The following EML4 variants were observed in gnomAD, a reference collection of about 807,000 sequenced individuals.
EML4 encodes the protein EMAP like 4.
EML4 carries 72 observed loss-of-function variants against 129.0 expected under a neutral mutation model. That is an observed-to-expected ratio of 0.56 (90% CI 0.46 to 0.68). The LOEUF is 0.68. Ranked by LOEUF, EML4 falls within the 30% of genes least tolerant of loss-of-function variation. The pLI, the probability that EML4 is intolerant of heterozygous loss-of-function variation, is 0.00. For missense variants in EML4, 1,363 were observed against 1,190.6 expected (o/e 1.14, Z -2.13); for synonymous variants, 532 against 405.0 (o/e 1.31, Z -3.77).
At chr2:42,258,995 C>T (rs1315948884) in intron 3 of EML4, among the ~76,000 whole-genome samples, 1 of 152,142 alleles carries the variant, frequency 6.6e-6, no homozygotes, top group Non-Finnish European at 1.5e-5. Flanking sequence ...GCCTGTAATC[C>T]CAGCACTTTG....
chr2:42,257,836 CAA>C (rs35916468), intron 3 of EML4, among the ~76,000 whole-genome samples: 81 of 110,658 alleles, frequency 7.3e-4, no homozygotes, highest in Middle Eastern at 6.4e-3. Flanking sequence ...GACTCCGTCT[CAA>C]AAAAAAAAAA....
At chr2:42,247,139 G>A (rs1264957286) in intron 2 of EML4, among the ~76,000 whole-genome samples, 4 of 152,278 alleles carry the variant, frequency 2.6e-5, no homozygotes, top group East Asian at 3.9e-4. Flanking sequence ...GGACAAAAAG[G>A]CAGCAGAGAG....
At chr2:42,210,738 TC>T (rs1672841829) in intron 1 of EML4, among the ~76,000 whole-genome samples, 1 of 152,222 alleles carries the variant, frequency 6.6e-6, no homozygotes, top group East Asian at 1.9e-4. Flanking sequence ...TTCAGATTGT[TC>T]CAGCTTTGGC....
chr2:42,308,633 T>C (rs993010656), intron 17 of EML4, among the ~76,000 whole-genome samples: 1 of 152,190 alleles, frequency 6.6e-6, no homozygotes, highest in Non-Finnish European at 1.5e-5. Context: ...ATTTAAGATA[T>C]ATAATTCAGT....
intron 1 of EML4, among the ~76,000 whole-genome samples, chr2:42,187,381 G>A (rs1037605917): frequency 6.6e-6 from 1 of 151,996 alleles, no homozygotes; most frequent in African/African-American, 2.4e-5. Context: ...ACATGACTGG[G>A]ATCTTATAAT....
intron 1 of EML4, among the ~76,000 whole-genome samples, chr2:42,234,876 C>G (rs906083893): frequency 4.6e-5 from 7 of 152,224 alleles, no homozygotes; most frequent in African/African-American, 1.4e-4. Flanking sequence ...ATTATCTAGG[C>G]CGGGCACTGT....
At position 42,286,343 on chromosome 2, in the gene EML4, T is replaced by G. The variant is rs773929483; in HGVS notation, c.1086T>G (p.Phe362Leu). The G allele has an allele frequency of 1.2e-6, 2 of 1,613,640 alleles. No individual in the cohort carries two copies. Among genetic ancestry groups the G allele is most frequent in the African/African-American group, 2.7e-5 (2 of 74,926 alleles). Residue 362 changes from phenylalanine to leucine, a missense_variant, in exon 10 of 23, where the codon TTT becomes TTG. Transcript: ENST00000318522. ...STLQIIGLGTFERGVGCLDFS... is the reference protein window; with the variant it reads ...STLQIIGLGTLERGVGCLDFS... ...TGCAGATTATTGGACTTGGCACTTT[T>G]GAGCGTGGAGTAGGATGCCTGGATT...
chr2:42,175,191 C>G (rs1462179167), intron 1 of EML4, among the ~76,000 whole-genome samples: 1 of 151,972 alleles, frequency 6.6e-6, no homozygotes, highest in Non-Finnish European at 1.5e-5. Flanking sequence ...TGGCTCACTG[C>G]AGCCTCTGCC....
chr2:42,193,812 G>A (rs796655569), intron 1 of EML4, among the ~76,000 whole-genome samples: 51 of 151,812 alleles, frequency 3.4e-4, no homozygotes, highest in African/African-American at 1.2e-3. Flanking sequence ...CAGACTCCTG[G>A]GTAGCTGGGA....
chr2:42,313,409 C>G (rs1669068611), intron 17 of EML4, among the ~76,000 whole-genome samples: 1 of 152,100 alleles, frequency 6.6e-6, no homozygotes, highest in African/African-American at 2.4e-5. Flanking sequence ...CAGAATAAAT[C>G]TCTTCAAATA....
intron 1 of EML4, among the ~76,000 whole-genome samples, chr2:42,184,855 C>T (rs914397496): frequency 2.0e-5 from 3 of 152,100 alleles, no homozygotes; most frequent in Non-Finnish European, 2.9e-5. Context: ...TTAGGAAATA[C>T]ATTTCTTAAG....
At chr2:42,194,208 G>C (rs999433399) in intron 1 of EML4, among the ~76,000 whole-genome samples, 1 of 152,134 alleles carries the variant, frequency 6.6e-6, no homozygotes, top group Admixed American at 6.5e-5. Flanking sequence ...GTTTGGTTAA[G>C]GAAATCAAGT....
In EML4 at chr2:42,330,039, C is replaced by T; in HGVS notation, c.2778C>T (p.Ser926=). The change falls in exon 23 of 23, where the codon AGC becomes AGT. Residue 926 remains serine, a synonymous_variant. Coordinates refer to ENST00000318522, the MANE Select transcript of EML4 (RefSeq NM_019063.5). The part of the protein sequence containing the change: ...ISSSPTLLEN[S]LEQTVEPSED... ...GTTCTCCCACACTTCTGGAGAACAGCCTGGAACAAACTGTGGAGCCAAGTG... is the reference window on the plus strand; with the variant it reads ...GTTCTCCCACACTTCTGGAGAACAGTCTGGAACAAACTGTGGAGCCAAGTG... 2 of 1,613,460 alleles carry T rather than the reference C, an allele frequency of 1.2e-6. No homozygotes were observed. The highest frequency in any genetic ancestry group is 1.3e-5 in the African/African-American group (1 of 74,738).
At chr2:42,186,472 G>C (rs1333904993) in intron 1 of EML4, among the ~76,000 whole-genome samples, 1 of 152,188 alleles carries the variant, frequency 6.6e-6, no homozygotes, top group Non-Finnish European at 1.5e-5. Flanking sequence ...CCTAAGAAAT[G>C]TATGAGAAAG....
intron 1 of EML4, among the ~76,000 whole-genome samples, chr2:42,238,933 C>A (rs1195595208): frequency 2.0e-5 from 3 of 151,976 alleles, no homozygotes; most frequent in African/African-American, 7.3e-5. Flanking sequence ...GCTGCCACCC[C>A]CTGGCTAATT....
chr2:42,298,277 C>A (rs762755223), intron 13 of EML4, among the ~76,000 whole-genome samples: 1 of 152,142 alleles, frequency 6.6e-6, no homozygotes, highest in East Asian at 1.9e-4. Context: ...CTTTATTTGG[C>A]AGGCAGTGTA....
At chr2:42,239,538 C>A (rs1674883380) in intron 1 of EML4, among the ~76,000 whole-genome samples, 1 of 152,144 alleles carries the variant, frequency 6.6e-6, no homozygotes, top group African/African-American at 2.4e-5. Context: ...ATAGATCAGA[C>A]TGATAGTGAG....
At chr2:42,243,984 G>A (rs989545078) in intron 1 of EML4, among the ~76,000 whole-genome samples, 1 of 140,764 alleles carries the variant, frequency 7.1e-6, no homozygotes, top group African/African-American at 2.7e-5. Context: ...CTTGCCCTCA[G>A]TGTAAGCCAA....
At chr2:42,242,127 A>C (rs939835894) in intron 1 of EML4, among the ~76,000 whole-genome samples, 1 of 152,174 alleles carries the variant, frequency 6.6e-6, no homozygotes, top group Admixed American at 6.6e-5. Flanking sequence ...CCAAGCTGGT[A>C]CTAAAACCTA....
Sources: allele counts gnomAD v4.1 joint callset (sites outside exome capture counted in the v4.1 genomes callset), GRCh38; gene constraint gnomAD v4.1.1; transcripts MANE v1.5; gene names NCBI Gene and HGNC (gene_info 2026-07-23, HGNC 2026-07-21).